Variants in SAMD5 observed in about 807,000 individuals in gnomAD.
The protein encoded by SAMD5 is sterile alpha motif domain-containing protein 5.
Under a neutral mutation model 11.3 loss-of-function variants are expected in SAMD5, and 13 were observed. The observed-to-expected ratio is 1.15, with a 90% CI of 0.75 to 1.83. The LOEUF (loss-of-function observed/expected upper bound fraction) is 1.83, where lower values mean the gene tolerates loss of function less well. Ranked by LOEUF, SAMD5 falls within the 40% of genes most tolerant of loss-of-function variation. SAMD5 has a pLI of 0.00. For synonymous variants in SAMD5, 129 were observed against 111.3 expected, an observed-to-expected ratio of 1.16 and a Z score of -1.00; for missense variants, 255 against 239.1, an observed-to-expected ratio of 1.07 and a Z score of -0.44.
Position 147,564,480 on chromosome 6 carries a change from A to T in SAMD5, c.*24A>T, listed in dbSNP as rs754691095. 12 of 791,572 alleles carry T rather than the reference A, an allele frequency of 1.5e-5. No individual in the cohort carries two copies. Among genetic ancestry groups the T allele is most frequent in the African/African-American group, 3.4e-5 (2 of 59,280 alleles). 49.0% of individuals were successfully genotyped at this position (791,572 alleles called of 1,614,324 possible). ...AGATATCATTTTTGAGACCTCGTGG[A>T]GGACTGATGAGGTGCCTGAAGACTG... is the stretch of plus-strand genomic sequence containing the variant. On this transcript the variant is annotated 3_prime_UTR_variant, in exon 2 of 2. Coordinates refer to ENST00000367474, the MANE Select transcript of SAMD5 (RefSeq NM_001030060.3).
At chr6:147,554,199 A>G (rs1478853442) in intron 1 of SAMD5, among the ~76,000 whole-genome samples, 1 of 152,160 alleles carries the variant, frequency 6.6e-6, no homozygotes, top group East Asian at 1.9e-4. Context: ...ACTCACTATC[A>G]TGAGAACAAC....
intron 1 of SAMD5, among the ~76,000 whole-genome samples, chr6:147,720,534 G>A (rs1335656384): frequency 1.3e-5 from 2 of 151,756 alleles, no homozygotes; most frequent in South Asian, 2.1e-4. Flanking sequence ...ACCTTGTGTA[G>A]AAACGATACC....
chr6:147,834,414 C>T, the SAMD5 span, among the ~76,000 whole-genome samples: 18 of 152,230 alleles, frequency 1.2e-4, no homozygotes, highest in East Asian at 3.9e-4. Context: ...GACATTATAG[C>T]GAGTGTAGCC....
At chr6:147,572,687 TAATC>T (rs538014186), downstream of SAMD5, among the ~76,000 whole-genome samples, 894 of 152,340 alleles carry the variant, frequency 5.9e-3, 1 homozygote, top group Non-Finnish European at 0.01. Flanking sequence ...TTAAAACTAA[TAATC>T]AATTGATTTC....
intron 1 of SAMD5, among the ~76,000 whole-genome samples, chr6:147,654,534 A>T (rs1790537394): frequency 6.6e-6 from 1 of 152,030 alleles, no homozygotes; most frequent in South Asian, 2.1e-4. Flanking sequence ...TTTTACCAAA[A>T]CATATGATAC....
the SAMD5 span, among the ~76,000 whole-genome samples, chr6:147,772,700 A>G: frequency 6.6e-6 from 1 of 152,040 alleles, no homozygotes; most frequent in East Asian, 1.9e-4. Flanking sequence ...TGAGTGTCCA[A>G]ATTTTCTCTT....
At chr6:147,890,536 T>G in the SAMD5 span, among the ~76,000 whole-genome samples, 1 of 152,046 alleles carries the variant, frequency 6.6e-6, no homozygotes, top group East Asian at 1.9e-4. Flanking sequence ...TTTTTGTATT[T>G]TTAGTAGAAA....
the SAMD5 span, among the ~76,000 whole-genome samples, chr6:147,822,143 TTA>T: frequency 1.3e-5 from 2 of 152,162 alleles, no homozygotes; most frequent in Non-Finnish European, 2.9e-5. Context: ...ACATACCAAT[TTA>T]TATGATCAAT....
chr6:147,637,293 C>A (rs1294232440), intron 1 of SAMD5, among the ~76,000 whole-genome samples: 1 of 152,174 alleles, frequency 6.6e-6, no homozygotes, highest in Non-Finnish European at 1.5e-5. Context: ...ACATACCAGG[C>A]TCTCCATAAA....
At chr6:147,863,933 T>TG in the SAMD5 span, among the ~76,000 whole-genome samples, 4,232 of 149,006 alleles carry the variant, frequency 0.028, 75 homozygotes, top group African/African-American at 0.043. Context: ...AACCTCTGCC[T>TG]GCCAGGTGCA....
the SAMD5 span, among the ~76,000 whole-genome samples, chr6:147,844,062 A>G: frequency 3.9e-5 from 6 of 152,236 alleles, no homozygotes; most frequent in Non-Finnish European, 8.8e-5. Context: ...GACAACCCAC[A>G]GATTGGGAGA....
chr6:147,717,335 C>T (rs971097171), intron 1 of SAMD5, among the ~76,000 whole-genome samples: 1 of 152,288 alleles, frequency 6.6e-6, no homozygotes, highest in South Asian at 2.1e-4. Flanking sequence ...ATTCATTTCC[C>T]AGATTGTATC....
chr6:147,732,050 T>G (rs1791723411), intron 1 of SAMD5, among the ~76,000 whole-genome samples: 1 of 151,998 alleles, frequency 6.6e-6, no homozygotes, highest in Non-Finnish European at 1.5e-5. Flanking sequence ...TCAATGAAAA[T>G]GCAAAATCAT....
chr6:147,661,306 A>G (rs955211333), intron 1 of SAMD5, among the ~76,000 whole-genome samples: 3 of 152,236 alleles, frequency 2.0e-5, no homozygotes, highest in African/African-American at 7.2e-5. Context: ...TGCTTTTCAC[A>G]TGGAAGTAAA....
the SAMD5 span, among the ~76,000 whole-genome samples, chr6:147,812,816 A>C: frequency 6.6e-6 from 1 of 152,188 alleles, no homozygotes; most frequent in South Asian, 2.1e-4. Flanking sequence ...TATAGTTATG[A>C]TAGTATATGT....
At chr6:147,932,617 TGTGTGTGTGTGTGTG>T in the SAMD5 span, among the ~76,000 whole-genome samples, 35 of 151,146 alleles carry the variant, frequency 2.3e-4, no homozygotes, top group African/African-American at 6.5e-4. Flanking sequence ...TGTGTGTGTG[TGTGTGTGTGTGTGTG>T]TGTGTGTTGG....
At chr6:147,523,075 C>A (rs981380056) in intron 1 of SAMD5, among the ~76,000 whole-genome samples, 1 of 152,218 alleles carries the variant, frequency 6.6e-6, no homozygotes, top group Admixed American at 6.5e-5. Context: ...TCACCTCCCC[C>A]TCAATCCCCT....
At chr6:147,515,787 CA>C (rs1259385839) in intron 1 of SAMD5, among the ~76,000 whole-genome samples, 3 of 152,040 alleles carry the variant, frequency 2.0e-5, no homozygotes, top group African/African-American at 7.2e-5. Flanking sequence ...GTTATTTCTG[CA>C]AACATGAAGG....
At chr6:147,778,331 C>A in the SAMD5 span, among the ~76,000 whole-genome samples, 1 of 152,154 alleles carries the variant, frequency 6.6e-6, no homozygotes. Context: ...ATATTGCTAG[C>A]CCCTACCTCC....
Sources: allele counts gnomAD v4.1 joint callset (sites outside exome capture counted in the v4.1 genomes callset), GRCh38; gene constraint gnomAD v4.1.1; transcripts MANE v1.5; gene names NCBI Gene and HGNC (gene_info 2026-07-23, HGNC 2026-07-21).